Variants in ZNF324B observed in about 807,000 individuals in gnomAD.
ZNF324B encodes zinc finger protein 324B.
A neutral mutation model predicts 10.6 loss-of-function variants in ZNF324B; 7 were observed. That is an observed-to-expected ratio of 0.66 (90% confidence interval 0.38 to 1.24). The LOEUF is 1.24. Ranked by LOEUF, ZNF324B falls within the 50% of genes most tolerant of loss-of-function variation. The pLI is 0.02. For synonymous variants in ZNF324B, 316 were observed against 321.0 expected (o/e 0.98, Z 0.17); for missense variants, 640 against 764.7 (o/e 0.84, Z 1.92).
the ZNF324B span, chr19:58,445,366 G>C: frequency 1.9e-6 from 1 of 515,232 alleles, no homozygotes; most frequent in Admixed American, 2.0e-5. Flanking sequence ...TGCACAAAGT[G>C]ATTCACACTG....
chr19:58,447,344 C>G (rs1247742335), upstream of ZNF324B, among the ~76,000 whole-genome samples: 1 of 152,174 alleles, frequency 6.6e-6, no homozygotes, highest in Non-Finnish European at 1.5e-5. Flanking sequence ...AGGTGACCAC[C>G]CTTAGTGCTA....
chr19:58,449,194 G>T (rs531514971), upstream of ZNF324B, among the ~76,000 whole-genome samples: 12 of 152,362 alleles, frequency 7.9e-5, no homozygotes, highest in African/African-American at 2.9e-4. Context: ...CTCCCATGTG[G>T]TGTTGAGCCT....
chr19:58,427,449 TTTCCCTTCCTTCCTTCC>T, the ZNF324B span, among the ~76,000 whole-genome samples: 3 of 54,750 alleles, frequency 5.5e-5, no homozygotes, highest in African/African-American at 3.8e-4. Context: ...CTTCCTTTCC[TTTCCCTTCCTTCCTTCC>T]TTCCTTCCTT....
chr19:58,455,516 C>T lies in ZNF324B; in HGVS notation c.572C>T (p.Thr191Met). 15 of 1,614,010 alleles carry T rather than the reference C, an allele frequency of 9.3e-6. No individual in the cohort carries two copies. Among genetic ancestry groups the T allele is most frequent in the Non-Finnish European group, 1.3e-5 (15 of 1,179,982 alleles). ...EYRVPGRQPRTPERQKPCAQE... is the reference protein window; with the variant it reads ...EYRVPGRQPRMPERQKPCAQE... Reference sequence around the variant, plus strand: ...CGGGTGCCTGGGAGGCAGCCCAGGACGCCTGAGCGGCAGAAGCCATGTGCA... The same window carrying T: ...CGGGTGCCTGGGAGGCAGCCCAGGATGCCTGAGCGGCAGAAGCCATGTGCA... Residue 191 changes from threonine to methionine, a missense_variant, in exon 4 of 4, where the codon ACG becomes ATG. Thr to Met is a moderately conservative substitution (Grantham distance 81). This residue lies in a region of ZNF324B where 345 missense variants were observed against 387.9 expected (regional missense o/e 0.89). Transcript: ENST00000336614. The surrounding 1 kb of genome is among the most constrained non-coding windows in gnomAD (Gnocchi z 7.0).
the ZNF324B span, among the ~76,000 whole-genome samples, chr19:58,438,739 C>T: frequency 6.6e-6 from 1 of 151,040 alleles, no homozygotes; most frequent in Non-Finnish European, 1.5e-5. Flanking sequence ...TCCCAAAGTG[C>T]TGGGATTACA....
the ZNF324B span, among the ~76,000 whole-genome samples, chr19:58,425,704 C>T: frequency 2.6e-5 from 4 of 152,126 alleles, no homozygotes; most frequent in Admixed American, 1.3e-4. Context: ...CTCCCAACCT[C>T]AGGTGATCTG....
At chr19:58,428,087 G>A in the ZNF324B span, among the ~76,000 whole-genome samples, 1 of 152,150 alleles carries the variant, frequency 6.6e-6, no homozygotes, top group Non-Finnish European at 1.5e-5. Flanking sequence ...TTTGCTGACG[G>A]CAAAACTGTT....
the ZNF324B span, chr19:58,434,753 T>G: frequency 1.9e-6 from 3 of 1,614,078 alleles, no homozygotes; most frequent in East Asian, 6.7e-5. Context: ...TTCTGTGTGG[T>G]ACAGACTTCT....
intron 2 of ZNF324B, 149 bp downstream of exon 2, chr19:58,453,971 C>A: frequency 8.0e-7 from 1 of 1,243,990 alleles, no homozygotes; most frequent in Non-Finnish European, 1.1e-6. Context: ...TTGGTTGGGT[C>A]AGCCACTCCT....
the ZNF324B span, chr19:58,436,196 G>A: frequency 1.3e-5 from 2 of 154,104 alleles, no homozygotes; most frequent in Admixed American, 1.3e-4. Context: ...GGAACATGGG[G>A]AGTGACAGCT....
chr19:58,454,948 G>A, intron 3 of ZNF324B: 1 of 670,528 alleles, frequency 1.5e-6, no homozygotes, highest in Non-Finnish European at 2.7e-6. Context: ...TTCACATCCT[G>A]GGTGTCTGGG....
In ZNF324B at chr19:58,456,759, C is replaced by G; in HGVS notation, c.*180C>G. 1.4e-6 allele frequency: 1 copy of G among 700,082 alleles called. No homozygotes were observed. The highest frequency in any genetic ancestry group is 2.3e-6 in the Non-Finnish European group (1 of 428,108). 43.4% of individuals were successfully genotyped at this position (700,082 alleles called of 1,614,324 possible). A position where few individuals can be genotyped will look rare whatever the true frequency, so the allele number is the denominator to read the frequency against. On this transcript the variant is annotated 3_prime_UTR_variant, in exon 4 of 4. Coordinates refer to ENST00000336614, the MANE Select transcript of ZNF324B (RefSeq NM_207395.3). This position sits in a 1 kb window ranked among gnomAD's most constrained non-coding sequence, Gnocchi z 4.7. ...TGGGGACAGGATTTGCCAGTTTAGT[C>G]ATAGCTCACACCTCCATCCTCAAAG... is the stretch of plus-strand genomic sequence containing the variant.
the ZNF324B span, chr19:58,434,543 T>TAAAG: frequency 6.2e-7 from 1 of 1,614,212 alleles, no homozygotes; most frequent in East Asian, 2.2e-5. Context: ...GATGAGTGAC[T>TAAAG]AAAGGCCTTC....
the ZNF324B span, among the ~76,000 whole-genome samples, chr19:58,431,833 TACAAAAAAATTA>T: frequency 2.6e-5 from 4 of 151,924 alleles, no homozygotes; most frequent in African/African-American, 9.7e-5. Context: ...CTACTAAAAA[TACAAAAAAATTA>T]GCTGGGTGTG....
the ZNF324B span, among the ~76,000 whole-genome samples, chr19:58,425,447 T>G: frequency 6.7e-6 from 1 of 149,008 alleles, no homozygotes; most frequent in Admixed American, 6.7e-5. Context: ...CTTCCTGTCT[T>G]CCTTCTTCCT....
chr19:58,454,642 C>G (rs2052895533), intron 3 of ZNF324B: 1 of 564,528 alleles, frequency 1.8e-6, no homozygotes, highest in Non-Finnish European at 3.1e-6. Context: ...CATCATTTAT[C>G]TTTGTATTCA....
the ZNF324B span, chr19:58,439,868 C>A: frequency 3.3e-6 from 5 of 1,527,502 alleles, no homozygotes; most frequent in Admixed American, 6.4e-5. Flanking sequence ...AACCCTCACA[C>A]TTCCGCTGGG....
At position 58,456,698 on chromosome 19, in the gene ZNF324B, C is replaced by A. The variant is rs1328322294; in HGVS notation, c.*119C>A. On this transcript the variant is annotated 3_prime_UTR_variant, in exon 4 of 4. Coordinates refer to ENST00000336614, the MANE Select transcript of ZNF324B (RefSeq NM_207395.3). This position sits in a 1 kb window ranked among gnomAD's most constrained non-coding sequence, Gnocchi z 4.7. ...AAGCTCTGTGCCTGAGAGTCAGGGA[C>A]GAGGGAGACCCTTTGGCTGTGGTTC... is the stretch of plus-strand genomic sequence containing the variant. 1.6e-6 allele frequency: 2 copies of A among 1,279,298 alleles called. No individual in the cohort carries two copies. Among genetic ancestry groups the A allele is most frequent in the African/African-American group, 1.5e-5 (1 of 66,404 alleles). 79.2% of individuals were successfully genotyped at this position (1,279,298 alleles called of 1,614,324 possible). A position where few individuals can be genotyped will look rare whatever the true frequency, so the allele number is the denominator to read the frequency against.
the ZNF324B span, chr19:58,444,850 C>A: frequency 0.37 from 55,890 of 152,362 alleles, 11,536 homozygotes; most frequent in Middle Eastern, 0.55. Flanking sequence ...TCTTCAAAGG[C>A]CCTTACAAGT....
Sources: gnomAD v4.1 joint callset for allele counts (sites outside exome capture counted in the v4.1 genomes callset) on GRCh38, gnomAD v4.1.1 for gene constraint, gnomAD v4.1.1 regional missense constraint, Gnocchi (gnomAD v3.1) non-coding constraint, MANE v1.5 for transcripts, NCBI Gene and HGNC (gene_info 2026-07-23, HGNC 2026-07-21) for gene names.